ANKS4B: variants seen among roughly 807,000 people sequenced by gnomAD.
ANKS4B encodes the protein ankyrin repeat and SAM domain-containing protein 4B.
ANKS4B carries 21 observed loss-of-function variants against 20.2 expected under a neutral mutation model. The observed-to-expected ratio is 1.04, with a 90% CI of 0.74 to 1.50. ANKS4B has a LOEUF of 1.50. ANKS4B is among the 40% of genes most tolerant of loss of function. The pLI, the probability that ANKS4B is intolerant of heterozygous loss-of-function variation, is 0.00. For missense variants in ANKS4B, 473 were observed against 494.6 expected (o/e 0.96, Z 0.41); for synonymous variants, 179 against 194.5 (o/e 0.92, Z 0.66).
Position 21,252,104 on chromosome 16 carries a change from T to A in ANKS4B, c.*1284T>A, listed in dbSNP as rs1434064526. 1.3e-5 allele frequency: 2 copies of A among 152,220 alleles called. No individual in the cohort carries two copies. The highest frequency in any genetic ancestry group is 2.9e-5 in the Non-Finnish European group (2 of 68,120). 9.4% of individuals were successfully genotyped at this position (152,220 alleles called of 1,614,324 possible). A position where few individuals can be genotyped will look rare whatever the true frequency, so the allele number is the denominator to read the frequency against. ...GCACCACAACGCCTGGCTAAGTTTT[T>A]GTATTTTTAGTAGAGGCGGGGTTTC... On this transcript the variant is annotated 3_prime_UTR_variant, in exon 2 of 2. Coordinates refer to ENST00000311620, the MANE Select transcript of ANKS4B (RefSeq NM_145865.3).
At chr16:21,240,552 T>C (rs1163259037) in intron 1 of ANKS4B, among the ~76,000 whole-genome samples, 1 of 152,184 alleles carries the variant, frequency 6.6e-6, no homozygotes, top group South Asian at 2.1e-4. Flanking sequence ...TCACATCATA[T>C]TGAATAGAAT....
chr16:21,234,520 A>ACACC (rs897610619), intron 1 of ANKS4B, among the ~76,000 whole-genome samples: 11 of 144,550 alleles, frequency 7.6e-5, no homozygotes, highest in East Asian at 4.0e-4. Context: ...ACACACACAC[A>ACACC]CCCCATCTCT....
Position 21,250,975 on chromosome 16 carries a change from G to C in ANKS4B, c.*155G>C. On this transcript the variant is annotated 3_prime_UTR_variant, in exon 2 of 2. Transcript: ENST00000311620. ...GAGAGAGACCCAAACTTTACTCTGG[G>C]AGGTAGGCTATGCCCATCCAAATAA... The C allele has an allele frequency of 9.4e-7, 1 of 1,069,072 alleles. No homozygotes were observed. The highest frequency in any genetic ancestry group is 1.3e-6 in the Non-Finnish European group (1 of 764,818). 66.2% of individuals were successfully genotyped at this position (1,069,072 alleles called of 1,614,324 possible). A position where few individuals can be genotyped will look rare whatever the true frequency, so the allele number is the denominator to read the frequency against.
rs199827611 is a variant in ANKS4B, at chr16:21,250,604, G to A, written c.1038G>A (p.Thr346=). 1.1e-4 allele frequency: 170 copies of A among 1,614,068 alleles called. No individual in the cohort carries two copies. Among genetic ancestry groups the A allele is most frequent in the Admixed American group, 5.8e-4 (35 of 60,010 alleles). ...VEWEEDVVDA[T]PLEVFLLSQH... is the part of the protein sequence containing the mutation. ...GGGAGGAAGATGTGGTCGATGCCAC[G>A]CCCCTGGAAGTGTTCTTGCTGTCTC... The change falls in exon 2 of 2, where the codon ACG becomes ACA. Residue 346 remains threonine, a synonymous_variant. Transcript: ENST00000311620.
intron 1 of ANKS4B, among the ~76,000 whole-genome samples, chr16:21,239,704 T>C (rs575240306): frequency 2.0e-5 from 3 of 152,332 alleles, no homozygotes; most frequent in South Asian, 4.1e-4. Flanking sequence ...ATGTGGTACA[T>C]ATACAGCATG....
intron 1 of ANKS4B, among the ~76,000 whole-genome samples, chr16:21,245,705 T>C (rs1467444229): frequency 6.6e-6 from 1 of 152,140 alleles, no homozygotes; most frequent in Admixed American, 6.6e-5. Context: ...CCTCCAGTGA[T>C]CCACCAGCCT....
At chr16:21,244,535 C>T (rs1434124946) in intron 1 of ANKS4B, among the ~76,000 whole-genome samples, 1 of 133,480 alleles carries the variant, frequency 7.5e-6, no homozygotes, top group African/African-American at 2.7e-5. Flanking sequence ...CAGCTCACTC[C>T]TCCCAATAAT....
At chr16:21,242,421 C>T (rs1322896323) in intron 1 of ANKS4B, among the ~76,000 whole-genome samples, 4 of 152,152 alleles carry the variant, frequency 2.6e-5, no homozygotes, top group African/African-American at 7.2e-5. Context: ...CTCTTGACCT[C>T]GTGATCTGCC....
intron 1 of ANKS4B, among the ~76,000 whole-genome samples, chr16:21,248,749 T>G (rs1339655519): frequency 6.6e-6 from 1 of 152,062 alleles, no homozygotes; most frequent in African/African-American, 2.4e-5. Flanking sequence ...TTATATAAAC[T>G]TATAATTTAA....
chr16:21,242,845 A>T (rs1262942941), intron 1 of ANKS4B, among the ~76,000 whole-genome samples: 1 of 152,212 alleles, frequency 6.6e-6, no homozygotes, highest in Non-Finnish European at 1.5e-5. Flanking sequence ...AAATTCCTAA[A>T]TGTAGAATTG....
chr16:21,246,458 T>G (rs534962747), intron 1 of ANKS4B, among the ~76,000 whole-genome samples: 2 of 152,356 alleles, frequency 1.3e-5, no homozygotes, highest in East Asian at 3.9e-4. Flanking sequence ...ATTGATTTTT[T>G]TATTATGGCT....
intron 1 of ANKS4B, among the ~76,000 whole-genome samples, chr16:21,244,602 TTC>T (rs1360627695): frequency 6.6e-6 from 1 of 152,206 alleles, no homozygotes; most frequent in African/African-American, 2.4e-5. Context: ...ATCAGTATGT[TTC>T]TCTTTCTGTT....
intron 1 of ANKS4B, among the ~76,000 whole-genome samples, chr16:21,246,613 GA>G (rs1351878964): frequency 1.3e-5 from 2 of 152,110 alleles, no homozygotes; most frequent in African/African-American, 4.8e-5. Flanking sequence ...CCAAGTCCTA[GA>G]AAAATTAAAC....
chr16:21,246,765 T>C (rs1010494685), intron 1 of ANKS4B, among the ~76,000 whole-genome samples: 1 of 152,210 alleles, frequency 6.6e-6, no homozygotes, highest in Non-Finnish European at 1.5e-5. Context: ...TTAAGCTCTC[T>C]GAGTCTTATT....
At chr16:21,244,749 A>T (rs2093330380) in intron 1 of ANKS4B, among the ~76,000 whole-genome samples, 2 of 152,202 alleles carry the variant, frequency 1.3e-5, no homozygotes, top group Non-Finnish European at 2.9e-5. Context: ...GTCCCTTAAG[A>T]TGCGGGTCTG....
chr16:21,251,414 T>C lies in ANKS4B; in HGVS notation c.*594T>C, dbSNP rs1013463581. 1 of 152,312 alleles carries C rather than the reference T, an allele frequency of 6.6e-6. No homozygotes were observed. The highest frequency in any genetic ancestry group is 1.5e-5 in the Non-Finnish European group (1 of 68,126). 9.4% of individuals were successfully genotyped at this position (152,312 alleles called of 1,614,324 possible). On this transcript the variant is annotated 3_prime_UTR_variant, in exon 2 of 2. Transcript: ENST00000311620. ...AACCACCGTACCCAGCCTATCTTTTTGATACTTTTGAATAAAGAAAGGGTC... is the reference window on the plus strand; with the variant it reads ...AACCACCGTACCCAGCCTATCTTTTCGATACTTTTGAATAAAGAAAGGGTC...
intron 1 of ANKS4B, among the ~76,000 whole-genome samples, chr16:21,235,639 G>A (rs1284304228): frequency 6.6e-6 from 1 of 152,184 alleles, no homozygotes; most frequent in Non-Finnish European, 1.5e-5. Flanking sequence ...CAGTTTGGAT[G>A]TAGAATCAAT....
At chr16:21,235,571 A>G (rs1446648570) in intron 1 of ANKS4B, among the ~76,000 whole-genome samples, 1 of 152,152 alleles carries the variant, frequency 6.6e-6, no homozygotes, top group Non-Finnish European at 1.5e-5. Flanking sequence ...AGTGGTCGAG[A>G]TGAGTTGGAC....
chr16:21,242,631 G>A (rs143887291), intron 1 of ANKS4B, among the ~76,000 whole-genome samples: 2,191 of 152,258 alleles, frequency 0.014, 42 homozygotes, highest in African/African-American at 0.051. Flanking sequence ...CTTAAGACTG[G>A]ATAGTATTCC....
Sources: allele counts gnomAD v4.1 joint callset (sites outside exome capture counted in the v4.1 genomes callset), GRCh38; gene constraint gnomAD v4.1.1; transcripts MANE v1.5; gene names NCBI Gene and HGNC (gene_info 2026-07-23, HGNC 2026-07-21).